NCAPG: variants seen among roughly 807,000 people sequenced by gnomAD.
NCAPG encodes the protein condensin complex subunit 3.
Under a neutral mutation model 113.1 loss-of-function variants are expected in NCAPG, and 69 were observed. The observed-to-expected ratio is 0.61, with a 90% CI of 0.50 to 0.75. NCAPG has a LOEUF of 0.75. NCAPG is among the 30% of genes least tolerant of loss of function. The pLI is 0.00. For synonymous variants in NCAPG, 370 were observed against 415.8 expected (o/e 0.89, Z 1.34); for missense variants, 1,058 against 1,177.0 (o/e 0.90, Z 1.48).
chr4:17,818,161 A>G, intron 7 of NCAPG, 73 bp downstream of exon 7: 1 of 1,458,458 alleles, frequency 6.9e-7, no homozygotes, highest in Non-Finnish European at 9.2e-7. Flanking sequence ...CCCCTTCCTC[A>G]AAGTCATGTT....
In NCAPG at chr4:17,811,555, G is replaced by T. The variant is rs76373667; in HGVS notation, c.111+367G>T. 0.048 allele frequency among the ~76,000 whole-genome samples: 7,344 copies of T among 152,214 alleles called. 621 individuals are homozygous for T. The highest frequency in any genetic ancestry group is 0.17 in the African/African-American group (6,984 of 41,504). On this transcript the variant is annotated intron_variant, in intron 1 of 20. Transcript: ENST00000251496. The surrounding 1 kb of genome is among the most constrained non-coding windows in gnomAD (Gnocchi z 5.3). ...AATATTGAACCGCAGAGTGGATCCT[G>T]AATGCGGGGGTTCAGTGGTCGTTGC...
intron 8 of NCAPG, 88 bp from the exon 9 acceptor site, chr4:17,823,559 A>G (rs980479168): frequency 5.9e-6 from 7 of 1,181,398 alleles, no homozygotes; most frequent in South Asian, 5.8e-5. Flanking sequence ...ACTGAGGCAA[A>G]TGTAATTAAG....
At chr4:17,841,920 C>T (rs963812268) in intron 19 of NCAPG, 10 of 160,668 alleles carry the variant, frequency 6.2e-5, no homozygotes, top group Non-Finnish European at 1.4e-4. Flanking sequence ...TGTTTATGCA[C>T]CTAACCTACC....
At chr4:17,818,646 G>A (rs1721317222) in intron 7 of NCAPG, among the ~76,000 whole-genome samples, 1 of 152,154 alleles carries the variant, frequency 6.6e-6, no homozygotes, top group African/African-American at 2.4e-5. Flanking sequence ...ACAGGTAATA[G>A]GCTGGATTTG....
At chr4:17,838,226 TCA>T (rs1722183255) in intron 16 of NCAPG, among the ~76,000 whole-genome samples, 1 of 152,214 alleles carries the variant, frequency 6.6e-6, no homozygotes, top group African/African-American at 2.4e-5. Flanking sequence ...GCACACTGAC[TCA>T]CAGACTGAAC....
chr4:17,812,924 A>T lies in NCAPG; in HGVS notation c.323A>T (p.Glu108Val). Residue 108 changes from glutamate (E) to valine (V), a missense_variant, in exon 3 of 21, where the codon GAA becomes GTA. Transcript: ENST00000251496. Reference sequence around the variant, plus strand: ...GATTTGTTTCTGTTTTAGTCTCATGAAGCAAACAGCAATGCAGTGAGATTT... The same window carrying T: ...GATTTGTTTCTGTTTTAGTCTCATGTAGCAAACAGCAATGCAGTGAGATTT... ...YLFTFLLKSH[E>V]ANSNAVRFRV... is the part of the protein sequence containing the mutation. The T allele has an allele frequency of 6.2e-7, 1 of 1,613,662 alleles. No homozygotes were observed. Among genetic ancestry groups the T allele is most frequent in the Non-Finnish European group, 8.5e-7 (1 of 1,179,710 alleles).
Position 17,815,325 on chromosome 4 carries a change from A to G in NCAPG, c.742A>G (p.Met248Val), listed in dbSNP as rs151066063. The G allele has an allele frequency of 6.3e-7, 1 of 1,586,868 alleles. No individual in the cohort carries two copies. Among genetic ancestry groups the G allele is most frequent in the African/African-American group, 1.4e-5 (1 of 72,910 alleles). ...AGCTATGTCCATTGCTCAGAGAGTA[A>G]TGCTCCTTCAACAAGGTCTTAATGA... is the stretch of plus-strand genomic sequence containing the variant. Reference protein sequence around the residue: ...MRAMSIAQRVMLLQQGLNDRS... With the variant: ...MRAMSIAQRVVLLQQGLNDRS... The change falls in exon 5 of 21, where the codon ATG becomes GTG. Residue 248 changes from methionine (M) to valine (V), a missense_variant. By Grantham distance (21) the Met-to-Val change is conservative (BLOSUM62 1). Transcript: ENST00000251496.
chr4:17,842,527 A>ATTTT, intron 20 of NCAPG, 148 bp downstream of exon 20: 1 of 637,418 alleles, frequency 1.6e-6, no homozygotes. Flanking sequence ...TATAGTCTAA[A>ATTTT]ATTCCATCAT....
intron 5 of NCAPG, 163 bp from the exon 6 acceptor site, chr4:17,817,098 C>A: frequency 1.9e-6 from 1 of 538,576 alleles, no homozygotes; most frequent in Non-Finnish European, 3.2e-6. Context: ...GGTGACAGAG[C>A]GAGACTCTGT....
In NCAPG at chr4:17,837,209, C is replaced by T; in HGVS notation, c.2160C>T (p.Phe720=). Residue 720 remains phenylalanine (F), a synonymous_variant, in exon 15 of 21, where the codon TTC becomes TTT. Coordinates refer to ENST00000251496, the MANE Select transcript of NCAPG (RefSeq NM_022346.5). ...CAGAAGGACTAGCCAAGCTGATGTT[C>T]TCTGGGCTTTTGGTCAGCAGCAGGA... ...GAAEGLAKLM[F]SGLLVSSRIL... 6.2e-7 allele frequency: 1 copy of T among 1,613,992 alleles called. No homozygotes were observed. The highest frequency in any genetic ancestry group is 1.1e-5 in the South Asian group (1 of 91,082).
At chr4:17,813,629 T>C (rs1467021750) in intron 3 of NCAPG, among the ~76,000 whole-genome samples, 9 of 152,206 alleles carry the variant, frequency 5.9e-5, no homozygotes, top group Admixed American at 5.9e-4. Context: ...CCTTGGGTTA[T>C]ATGAATTGTA....
chr4:17,840,773 T>C, intron 19 of NCAPG, 80 bp downstream of exon 19: 2 of 913,240 alleles, frequency 2.2e-6, no homozygotes, highest in East Asian at 3.0e-5. Flanking sequence ...TTGCAAGTTT[T>C]CTTATCTTTG....
At chr4:17,839,914 TTATACA>T in intron 17 of NCAPG, 77 bp downstream of exon 17, 1 of 1,469,038 alleles carries the variant, frequency 6.8e-7, no homozygotes, top group Non-Finnish European at 9.2e-7. Flanking sequence ...TTGTATTAGA[TTATACA>T]TATGTTAGCA....
At chr4:17,829,080 C>G (rs1262356004) in intron 12 of NCAPG, among the ~76,000 whole-genome samples, 1 of 152,078 alleles carries the variant, frequency 6.6e-6, no homozygotes, top group Non-Finnish European at 1.5e-5. Context: ...GTTTTACATT[C>G]TGTTTTGCAT....
rs753639012 is a variant in NCAPG, at chr4:17,842,368, C to G, written c.2913C>G (p.Ala971=). 1.9e-6 allele frequency: 3 copies of G among 1,611,696 alleles called. No homozygotes were observed. The highest frequency in any genetic ancestry group is 3.3e-5 in the Admixed American group (2 of 59,910). The change falls in exon 20 of 21, where the codon GCC becomes GCG. Residue 971 remains alanine (A), a synonymous_variant. Transcript: ENST00000251496. ...RTNRRCQTAE[A]DSESDHEVPE... Reference sequence around the variant, plus strand: ...ACAGGAGGTGTCAGACTGCTGAAGCCGACTCTGAAAGGTATGTCATGCATG... The same window carrying G: ...ACAGGAGGTGTCAGACTGCTGAAGCGGACTCTGAAAGGTATGTCATGCATG...
rs746901297 is a variant in NCAPG at position 17,831,136 on chromosome 4, A to G, written c.1884+20A>G. 7 of 1,609,630 alleles carry G rather than the reference A, an allele frequency of 4.3e-6. No individual in the cohort carries two copies. The highest frequency in any genetic ancestry group is 5.9e-6 in the Non-Finnish European group (7 of 1,178,346). On this transcript the variant is annotated intron_variant, in intron 13 of 20. Transcript: ENST00000251496. The stretch of plus-strand genomic sequence containing the variant: ...TTGCAGGTAGGATTTATCTTGTGAT[A>G]AATCTCAACTGTATTTCCTGAAATA...
At chr4:17,828,187 C>A in intron 11 of NCAPG, 91 bp from the exon 12 acceptor site, 1 of 727,204 alleles carries the variant, frequency 1.4e-6, no homozygotes, top group Non-Finnish European at 2.3e-6. Flanking sequence ...TATAGAGTGA[C>A]AGTATGCCCT....
chr4:17,837,462 G>A, intron 15 of NCAPG, 122 bp downstream of exon 15: 1 of 1,223,670 alleles, frequency 8.2e-7, no homozygotes, highest in Admixed American at 2.5e-5. Context: ...GATAAATGAT[G>A]AAATGACAAG....
intron 7 of NCAPG, among the ~76,000 whole-genome samples, chr4:17,818,613 A>T (rs1157032517): frequency 2.0e-5 from 3 of 152,260 alleles, no homozygotes; most frequent in African/African-American, 7.2e-5. Flanking sequence ...AATTTAAAAT[A>T]GTCTTAGCTT....
Sources: allele counts gnomAD v4.1 joint callset (sites outside exome capture counted in the v4.1 genomes callset), GRCh38; gene constraint gnomAD v4.1.1; non-coding constraint Gnocchi (gnomAD v3.1); transcripts MANE v1.5; gene names NCBI Gene and HGNC (gene_info 2026-07-23, HGNC 2026-07-21).